Variants in ERC2 observed in about 807,000 individuals in gnomAD.
ERC2 encodes the protein ERC protein 2.
ERC2 carries 42 observed loss-of-function variants against 114.8 expected under a neutral mutation model. The observed-to-expected ratio is 0.37, with a 90% CI of 0.29 to 0.47. The LOEUF is 0.47. Among genes scored for constraint, ERC2 ranks in the 20% least tolerant of loss-of-function variants. ERC2 has a pLI of 0.99. For missense variants in ERC2, 939 were observed against 1,150.7 expected (o/e 0.82, Z 2.66); for synonymous variants, 454 against 425.5 (o/e 1.07, Z -0.82).
At chr3:55,846,883 G>A (rs1278335606) in intron 14 of ERC2, among the ~76,000 whole-genome samples, 1 of 152,186 alleles carries the variant, frequency 6.6e-6, no homozygotes, top group Non-Finnish European at 1.5e-5. Context: ...ACAGTTTGTA[G>A]GGTAAATGGC....
At chr3:56,055,442 G>A (rs1349846183) in intron 7 of ERC2, among the ~76,000 whole-genome samples, 1 of 152,038 alleles carries the variant, frequency 6.6e-6, no homozygotes, top group Non-Finnish European at 1.5e-5. Flanking sequence ...AAAGTGAAAT[G>A]GTTTGATTAT....
At position 55,747,597 on chromosome 3, in the gene ERC2, A is replaced by G. The variant is rs563013549; in HGVS notation, c.2565-12679T>C. Among the ~76,000 whole-genome samples, 6 of 152,386 alleles carry G rather than the reference A, an allele frequency of 3.9e-5. No homozygotes were observed. The East Asian group carries it at 7.7e-4, about 20-fold the overall frequency. On this transcript the variant is annotated intron_variant, in intron 14 of 17. Transcript: ENST00000288221. ...GGGAAGAAATGGTTAAAACGCCACT[A>G]TGAAAACACACTAAGCCTATCTAAT...
At chr3:56,365,881 T>G (rs75371533) in intron 2 of ERC2, among the ~76,000 whole-genome samples, 1,887 of 152,296 alleles carry the variant, frequency 0.012, 13 homozygotes, top group Non-Finnish European at 0.019. Context: ...AAAGACCAGC[T>G]CTTGTTCATT....
At chr3:55,539,411 C>CTTTTTTTTTTTTTTT (rs1559619170) in intron 17 of ERC2, among the ~76,000 whole-genome samples, 4 of 49,064 alleles carry the variant, frequency 8.2e-5, no homozygotes, top group Non-Finnish European at 1.8e-4. Flanking sequence ...CTCTTTTTTT[C>CTTTTTTTTTTTTTTT]TTTCTTTTTT....
intron 13 of ERC2, among the ~76,000 whole-genome samples, chr3:55,939,307 C>T (rs1323698990): frequency 6.6e-6 from 1 of 152,214 alleles, no homozygotes; most frequent in Non-Finnish European, 1.5e-5. Flanking sequence ...TGTCAGTTAT[C>T]ATCAGTAAGA....
intron 14 of ERC2, among the ~76,000 whole-genome samples, chr3:55,760,062 T>G (rs186489118): frequency 6.6e-5 from 10 of 152,312 alleles, no homozygotes; most frequent in Non-Finnish European, 1.3e-4. Flanking sequence ...GTCAAGGTTA[T>G]CACATGAAAA....
chr3:55,912,647 C>T (rs1282309930), intron 13 of ERC2, among the ~76,000 whole-genome samples: 1 of 152,108 alleles, frequency 6.6e-6, no homozygotes, highest in Admixed American at 6.6e-5. Flanking sequence ...GTAGAGAAGG[C>T]TGTTTGGAAA....
chr3:55,909,202 C>T (rs953104357), intron 13 of ERC2, among the ~76,000 whole-genome samples: 6 of 152,146 alleles, frequency 3.9e-5, no homozygotes, highest in Admixed American at 2.0e-4. Flanking sequence ...CTTTCATATC[C>T]GTGTTTCGGT....
intron 17 of ERC2, chr3:55,606,648 T>A (rs1425759639): frequency 6.6e-6 from 1 of 152,070 alleles, no homozygotes; most frequent in Non-Finnish European, 1.5e-5. Flanking sequence ...AAATAGCAAC[T>A]CCTACACTCT....
At chr3:56,058,450 C>G (rs1388113312) in intron 7 of ERC2, among the ~76,000 whole-genome samples, 1 of 152,180 alleles carries the variant, frequency 6.6e-6, no homozygotes, top group Non-Finnish European at 1.5e-5. Context: ...AAGACGAAGT[C>G]TCTCAGTCCT....
chr3:55,837,754 A>G (rs908863630), intron 14 of ERC2, among the ~76,000 whole-genome samples: 3 of 149,550 alleles, frequency 2.0e-5, no homozygotes, highest in South Asian at 2.2e-4. Flanking sequence ...AAAGTGTAAT[A>G]AAAAAAAAGA....
At chr3:56,318,169 A>G (rs1324892358) in intron 2 of ERC2, among the ~76,000 whole-genome samples, 2 of 152,184 alleles carry the variant, frequency 1.3e-5, no homozygotes, top group Non-Finnish European at 2.9e-5. Flanking sequence ...GTTTTAGATT[A>G]TCATTAAAAT....
At chr3:56,464,899 G>C (rs1226225329) in intron 1 of ERC2, among the ~76,000 whole-genome samples, 2 of 151,848 alleles carry the variant, frequency 1.3e-5, no homozygotes, top group East Asian at 3.9e-4. Flanking sequence ...AAAAAAAAAG[G>C]CTAGAGGGTG....
At chr3:55,778,239 A>G (rs1285735129) in intron 14 of ERC2, among the ~76,000 whole-genome samples, 1 of 152,174 alleles carries the variant, frequency 6.6e-6, no homozygotes, top group East Asian at 1.9e-4. Context: ...AAATCCTCAG[A>G]GGGCTACTGG....
At chr3:55,803,725 AAC>A (rs2059390300) in intron 14 of ERC2, among the ~76,000 whole-genome samples, 2 of 152,198 alleles carry the variant, frequency 1.3e-5, no homozygotes, top group South Asian at 4.1e-4. Flanking sequence ...TCAAACTGTA[AAC>A]ACAGTCATGG....
At chr3:56,337,522 T>C (rs908719320) in intron 2 of ERC2, among the ~76,000 whole-genome samples, 4 of 152,212 alleles carry the variant, frequency 2.6e-5, no homozygotes, top group Non-Finnish European at 5.9e-5. Context: ...GATGATGACC[T>C]GATAGAATAT....
intron 1 of ERC2, 140 bp from the exon 2 acceptor site, chr3:56,435,287 C>T (rs1223547779): frequency 7.6e-6 from 2 of 262,970 alleles, no homozygotes; most frequent in South Asian, 1.9e-4. Context: ...AAGAGCCACA[C>T]CCATAATGTT....
At chr3:55,861,514 A>G (rs1468358291) in intron 14 of ERC2, among the ~76,000 whole-genome samples, 2 of 152,246 alleles carry the variant, frequency 1.3e-5, no homozygotes, top group Non-Finnish European at 2.9e-5. Flanking sequence ...TCCAGAACTT[A>G]GCATCATTTA....
At chr3:56,100,812 C>T (rs2078310384) in intron 6 of ERC2, among the ~76,000 whole-genome samples, 2 of 152,184 alleles carry the variant, frequency 1.3e-5, no homozygotes. Context: ...CAATATATTA[C>T]ACACAGTACA....
Sources: gnomAD v4.1 joint callset for allele counts (sites outside exome capture counted in the v4.1 genomes callset) on GRCh38, gnomAD v4.1.1 for gene constraint, MANE v1.5 for transcripts, NCBI Gene and HGNC (gene_info 2026-07-23, HGNC 2026-07-21) for gene names.